The following SLC9C1 variants were observed in gnomAD, a reference collection of about 807,000 sequenced individuals.
SLC9C1 encodes the protein sodium/hydrogen exchanger 10.
A neutral mutation model predicts 140.9 loss-of-function variants in SLC9C1; 97 were observed. The observed-to-expected ratio is 0.69, with a 90% CI of 0.58 to 0.82. The LOEUF (loss-of-function observed/expected upper bound fraction) is 0.82, where lower values mean the gene tolerates loss of function less well. Among genes scored for constraint, SLC9C1 ranks in the 40% least tolerant of loss-of-function variants. The pLI is 0.00. For synonymous variants in SLC9C1, 440 were observed against 442.6 expected (o/e 0.99, Z 0.07); for missense variants, 1,340 against 1,389.3 (o/e 0.96, Z 0.56).
At position 112,263,007 on chromosome 3, in the gene SLC9C1, T is replaced by C. The variant is rs751544109; in HGVS notation, c.1114A>G (p.Met372Val). ...RWIFIMVCSE[M>V]KGMPNINMAL... ...ATGTTTATATTAGGCATCCCCTTCA[T>C]TTCACTACAGACCATTATGAATATC... Residue 372 changes from methionine to valine, a missense_variant, in exon 10 of 29, where the codon ATG (methionine) becomes GTG (valine). Met to Val is a conservative substitution (Grantham distance 21). Transcript: ENST00000305815. 6.2e-7 allele frequency: 1 copy of C among 1,607,602 alleles called. No individual in the cohort carries two copies. Among genetic ancestry groups the C allele is most frequent in the Admixed American group, 1.7e-5 (1 of 59,262 alleles).
rs77833442 is a variant in SLC9C1, at chr3:112,249,611, A to G, written c.1198-5535T>C. On this transcript the variant is annotated intron_variant, in intron 10 of 28. Transcript: ENST00000305815. Reference sequence around the variant, plus strand: ...TGGTAGGTTATTAGATGCAGAATCAATTTTGGAACTCGTTATTGGTCTGTT... The same window carrying G: ...TGGTAGGTTATTAGATGCAGAATCAGTTTTGGAACTCGTTATTGGTCTGTT... Among the ~76,000 whole-genome samples the G allele has an allele frequency of 3.5e-3, 536 of 152,262 alleles. 1 individual carries two copies. Among genetic ancestry groups the G allele is most frequent in the Non-Finnish European group, 4.5e-3 (307 of 68,012 alleles).
chr3:112,221,975 CA>C (rs2078553283), intron 13 of SLC9C1, among the ~76,000 whole-genome samples: 1 of 152,114 alleles, frequency 6.6e-6, no homozygotes, highest in African/African-American at 2.4e-5. Context: ...TCTGCATGAT[CA>C]GTTTTGAATA....
At chr3:112,232,102 T>C (rs771729945) in intron 12 of SLC9C1, among the ~76,000 whole-genome samples, 1 of 152,202 alleles carries the variant, frequency 6.6e-6, no homozygotes, top group Non-Finnish European at 1.5e-5. Context: ...AAAGCTAGGC[T>C]ATAAAGCCAG....
At chr3:112,206,135 T>A (rs377696100) in intron 16 of SLC9C1, among the ~76,000 whole-genome samples, 2 of 63,494 alleles carry the variant, frequency 3.1e-5, no homozygotes, top group Non-Finnish European at 7.0e-5. Context: ...GAATCTACAA[T>A]GAACTCAAAC....
At chr3:112,278,668 A>C (rs2080279472) in intron 4 of SLC9C1, 61 bp downstream of exon 4, 1 of 1,506,800 alleles carries the variant, frequency 6.6e-7, no homozygotes, top group African/African-American at 1.4e-5. Context: ...TATTTTAAAA[A>C]TTTGAACATA....
At chr3:112,146,086 C>A (rs2074786184) in intron 28 of SLC9C1, among the ~76,000 whole-genome samples, 1 of 152,072 alleles carries the variant, frequency 6.6e-6, no homozygotes, top group Admixed American at 6.6e-5. Context: ...ATTTCTTCTA[C>A]ATTTTCTAGT....
At chr3:112,250,800 G>A (rs2079434267) in intron 10 of SLC9C1, among the ~76,000 whole-genome samples, 1 of 152,188 alleles carries the variant, frequency 6.6e-6, no homozygotes. Context: ...TGGTGGGAAT[G>A]TAAATTAAGG....
At chr3:112,278,996 C>G (rs2080291050) in intron 3 of SLC9C1, 139 bp from the exon 4 acceptor site, 1 of 761,746 alleles carries the variant, frequency 1.3e-6, no homozygotes, top group East Asian at 3.4e-5. Context: ...GTGATCGTAT[C>G]AAATTCTAGA....
intron 13 of SLC9C1, 48 bp from the exon 14 acceptor site, chr3:112,221,273 C>A: frequency 2.1e-6 from 3 of 1,461,276 alleles, no homozygotes; most frequent in Non-Finnish European, 2.9e-6. Flanking sequence ...ATAACGATGA[C>A]AACTTATTAC....
chr3:112,211,306 C>T (rs938166714), intron 15 of SLC9C1, among the ~76,000 whole-genome samples: 1 of 152,186 alleles, frequency 6.6e-6, no homozygotes, highest in Non-Finnish European at 1.5e-5. Context: ...GTGATTTCTG[C>T]ATTTCCAGCT....
At chr3:112,203,626 A>C (rs1399990423) in intron 17 of SLC9C1, among the ~76,000 whole-genome samples, 1 of 152,024 alleles carries the variant, frequency 6.6e-6, no homozygotes, top group African/African-American at 2.4e-5. Context: ...AATAGTGAAA[A>C]AGATAGGAAA....
intron 12 of SLC9C1, among the ~76,000 whole-genome samples, chr3:112,232,785 T>G (rs577296419): frequency 6.6e-6 from 1 of 152,234 alleles, no homozygotes; most frequent in East Asian, 1.9e-4. Context: ...ATTAGTGTGC[T>G]GAGTGTTCTT....
chr3:112,225,502 T>C (rs2078658946), intron 13 of SLC9C1, among the ~76,000 whole-genome samples: 1 of 150,688 alleles, frequency 6.6e-6, no homozygotes, highest in South Asian at 2.1e-4. Flanking sequence ...AAAACACCAA[T>C]CTTCAAAGAT....
At chr3:112,237,528 G>A (rs1006791051) in intron 12 of SLC9C1, among the ~76,000 whole-genome samples, 30 of 152,272 alleles carry the variant, frequency 2.0e-4, no homozygotes, top group Non-Finnish European at 1.2e-4. Flanking sequence ...TTGCTCGTTA[G>A]TTGATGCAGT....
chr3:112,275,775 G>A (rs536547644), intron 5 of SLC9C1, among the ~76,000 whole-genome samples: 1 of 152,232 alleles, frequency 6.6e-6, no homozygotes, highest in South Asian at 2.1e-4. Flanking sequence ...AAACACCAAG[G>A]CTGTTCCTGT....
At chr3:112,276,453 A>G (rs1439359596) in intron 5 of SLC9C1, among the ~76,000 whole-genome samples, 1 of 151,914 alleles carries the variant, frequency 6.6e-6, no homozygotes, top group African/African-American at 2.4e-5. Flanking sequence ...AATCTTATAA[A>G]TCTTGCTTTG....
At chr3:112,197,611 C>A (rs2077799903) in intron 20 of SLC9C1, among the ~76,000 whole-genome samples, 1 of 152,096 alleles carries the variant, frequency 6.6e-6, no homozygotes, top group Non-Finnish European at 1.5e-5. Context: ...AAGTTGCAAA[C>A]CTTCATAGAA....
intron 23 of SLC9C1, among the ~76,000 whole-genome samples, chr3:112,172,867 A>G (rs1323225781): frequency 6.6e-6 from 1 of 152,086 alleles, no homozygotes; most frequent in African/African-American, 2.4e-5. Context: ...TGTCGAATCA[A>G]TCTTATATTC....
At chr3:112,213,637 A>C (rs113771445) in intron 15 of SLC9C1, among the ~76,000 whole-genome samples, 1,737 of 152,324 alleles carry the variant, frequency 0.011, 40 homozygotes, top group African/African-American at 0.038. Context: ...TAAAGGGATC[A>C]ATTCAACAAG....
Sources: gnomAD v4.1 joint callset for allele counts (sites outside exome capture counted in the v4.1 genomes callset) on GRCh38, gnomAD v4.1.1 for gene constraint, MANE v1.5 for transcripts, NCBI Gene and HGNC (gene_info 2026-07-23, HGNC 2026-07-21) for gene names.